Variants in RALYL observed in about 807,000 individuals in gnomAD.
RALYL encodes the protein RNA-binding Raly-like protein.
A neutral mutation model predicts 35.1 loss-of-function variants in RALYL; 29 were observed. The observed-to-expected ratio is 0.83, with a 90% CI of 0.61 to 1.13. The LOEUF (loss-of-function observed/expected upper bound fraction) is 1.13. Ranked by LOEUF, RALYL falls within the 50% of genes most tolerant of loss-of-function variation. The pLI, the probability that RALYL is intolerant of heterozygous loss-of-function variation, is 0.00. For missense variants in RALYL, 359 were observed against 360.4 expected, an observed-to-expected ratio of 1.00 and a Z score of 0.03; for synonymous variants, 120 against 127.6, an observed-to-expected ratio of 0.94 and a Z score of 0.40.
At position 84,214,903 on chromosome 8, in the gene RALYL, T is replaced by G. The variant is rs369463731; in HGVS notation, c.-24+30479T>G. Among the ~76,000 whole-genome samples the G allele has an allele frequency of 1.4e-4, 22 of 152,002 alleles. No homozygotes were observed. In the East Asian group the frequency reaches 2.1e-3, roughly 15 times the overall value. On this transcript the variant is annotated intron_variant, in intron 1 of 8. Coordinates refer to ENST00000521268, the MANE Select transcript of RALYL (RefSeq NM_173848.7). ...TTAACTTTTATTTTTTTTTTAATTTTTATATATTTATTTAATTTTTGAGAC... is the reference window on the plus strand; with the variant it reads ...TTAACTTTTATTTTTTTTTTAATTTGTATATATTTATTTAATTTTTGAGAC...
intron 1 of RALYL, among the ~76,000 whole-genome samples, chr8:84,222,036 A>G (rs933281819): frequency 6.6e-6 from 1 of 152,072 alleles, no homozygotes. Context: ...TACTGTGCCT[A>G]TGATATTGGG....
chr8:84,411,192 G>T, intron 1 of RALYL, among the ~76,000 whole-genome samples: 1 of 151,710 alleles, frequency 6.6e-6, no homozygotes, highest in Non-Finnish European at 1.5e-5. Context: ...TTATCATTAA[G>T]AATATCTACC....
At chr8:84,365,582 T>C (rs926936463) in intron 1 of RALYL, among the ~76,000 whole-genome samples, 8 of 152,190 alleles carry the variant, frequency 5.3e-5, no homozygotes, top group Non-Finnish European at 1.2e-4. Flanking sequence ...CTACCACTGA[T>C]AGTGTCTAGA....
intron 1 of RALYL, among the ~76,000 whole-genome samples, chr8:84,208,151 C>T (rs1290582653): frequency 2.0e-5 from 3 of 152,040 alleles, no homozygotes; most frequent in Non-Finnish European, 4.4e-5. Context: ...CTATAAGTAA[C>T]ACAAGATTGA....
intron 8 of RALYL, among the ~76,000 whole-genome samples, chr8:84,903,455 T>A (rs1234479687): frequency 1.3e-5 from 2 of 152,148 alleles, no homozygotes; most frequent in East Asian, 3.9e-4. Flanking sequence ...GGTACCTTAG[T>A]CTCCTCACAT....
At chr8:84,731,507 G>A (rs2132853117) in intron 2 of RALYL, among the ~76,000 whole-genome samples, 1 of 152,052 alleles carries the variant, frequency 6.6e-6, no homozygotes. Context: ...ATTTTTAATC[G>A]ATCACCAAAC....
chr8:84,483,832 A>G (rs2054307713), intron 1 of RALYL, among the ~76,000 whole-genome samples: 1 of 152,148 alleles, frequency 6.6e-6, no homozygotes, highest in South Asian at 2.1e-4. Flanking sequence ...AACAGAATAT[A>G]CAGTTTTACT....
At chr8:84,375,483 T>C (rs893501755) in intron 1 of RALYL, among the ~76,000 whole-genome samples, 1 of 151,876 alleles carries the variant, frequency 6.6e-6, no homozygotes, top group Non-Finnish European at 1.5e-5. Context: ...GTAGGTATTT[T>C]ATACCTAATT....
At chr8:84,752,578 AG>A (rs1025339129) in intron 2 of RALYL, among the ~76,000 whole-genome samples, 3 of 152,098 alleles carry the variant, frequency 2.0e-5, no homozygotes, top group African/African-American at 7.2e-5. Context: ...TCCTCCCACT[AG>A]GGAGGAGGTA....
intron 1 of RALYL, among the ~76,000 whole-genome samples, chr8:84,211,945 G>T (rs914322663): frequency 6.6e-6 from 1 of 152,038 alleles, no homozygotes; most frequent in African/African-American, 2.4e-5. Context: ...GAATTGTATC[G>T]CCTTTAATAG....
intron 2 of RALYL, among the ~76,000 whole-genome samples, chr8:84,530,085 T>C (rs1485011334): frequency 6.6e-6 from 1 of 152,180 alleles, no homozygotes; most frequent in Non-Finnish European, 1.5e-5. Flanking sequence ...TTTTGTGTAT[T>C]ATACCTGTAT....
At chr8:84,882,976 G>A (rs1228620944) in intron 7 of RALYL, among the ~76,000 whole-genome samples, 2 of 152,028 alleles carry the variant, frequency 1.3e-5, no homozygotes, top group Non-Finnish European at 2.9e-5. Context: ...TAATAAAGAA[G>A]ATGTGCTTTC....
At chr8:84,599,039 C>T (rs1815270341) in intron 2 of RALYL, among the ~76,000 whole-genome samples, 1 of 152,026 alleles carries the variant, frequency 6.6e-6, no homozygotes, top group South Asian at 2.1e-4. Context: ...GCGGAACATT[C>T]AATTTTGGTA....
intron 1 of RALYL, among the ~76,000 whole-genome samples, chr8:84,320,868 C>G (rs1461879337): frequency 6.6e-6 from 1 of 152,016 alleles, no homozygotes; most frequent in Non-Finnish European, 1.5e-5. Flanking sequence ...TCTACAGTGC[C>G]TCTGAGGCTA....
At chr8:84,757,859 A>C (rs887014929) in intron 2 of RALYL, among the ~76,000 whole-genome samples, 1 of 152,080 alleles carries the variant, frequency 6.6e-6, no homozygotes, top group Admixed American at 6.6e-5. Flanking sequence ...AATTTAGAGA[A>C]TATTTCTATA....
chr8:84,304,306 A>G (rs573658303), intron 1 of RALYL, among the ~76,000 whole-genome samples: 208 of 152,070 alleles, frequency 1.4e-3, no homozygotes, highest in African/African-American at 4.6e-3. Context: ...TTTAGTAGAG[A>G]TGAGGTTTCA....
At chr8:84,500,828 C>T (rs1358618906) in intron 1 of RALYL, among the ~76,000 whole-genome samples, 12 of 152,040 alleles carry the variant, frequency 7.9e-5, no homozygotes, top group Admixed American at 2.6e-4. Context: ...TTTCTATCCC[C>T]GCTGAGTAGA....
At chr8:84,823,532 G>A (rs143560144) in intron 4 of RALYL, among the ~76,000 whole-genome samples, 48 of 152,198 alleles carry the variant, frequency 3.2e-4, no homozygotes, top group African/African-American at 1.0e-3. Context: ...ACTGGATGAC[G>A]TGCCTGGAAA....
chr8:84,426,772 G>T (rs116112179), intron 1 of RALYL, among the ~76,000 whole-genome samples: 2,102 of 152,254 alleles, frequency 0.014, 48 homozygotes, highest in African/African-American at 0.048. Flanking sequence ...CCTCATACCT[G>T]TCAGGATGGC....
Sources: allele counts gnomAD v4.1 joint callset (sites outside exome capture counted in the v4.1 genomes callset), GRCh38; gene constraint gnomAD v4.1.1; transcripts MANE v1.5; gene names NCBI Gene and HGNC (gene_info 2026-07-23, HGNC 2026-07-21).